The following OXR1 variants were observed in gnomAD, a reference collection of about 807,000 sequenced individuals.
OXR1 encodes the protein oxidation resistance 1.
In OXR1, 41 loss-of-function variants were observed where a neutral mutation model predicts 104.6. The observed-to-expected ratio is 0.39, with a 90% CI of 0.31 to 0.51. The LOEUF (loss-of-function observed/expected upper bound fraction) is 0.51, where lower values mean the gene tolerates loss of function less well. Among genes scored for constraint, OXR1 ranks in the 20% least tolerant of loss-of-function variants. OXR1 has a pLI of 0.77. For synonymous variants in OXR1, 348 were observed against 348.4 expected (o/e 1.00, Z 0.01); for missense variants, 955 against 1,031.9 (o/e 0.93, Z 1.02).
intron 3 of OXR1, among the ~76,000 whole-genome samples, chr8:106,527,872 T>G (rs2130201667): frequency 6.6e-6 from 1 of 152,318 alleles, no homozygotes; most frequent in East Asian, 1.9e-4. Context: ...TGGCCAGTGG[T>G]AAAGAGCTCA....
intron 3 of OXR1, among the ~76,000 whole-genome samples, chr8:106,594,232 AT>A (rs1819340630): frequency 6.6e-6 from 1 of 152,012 alleles, no homozygotes; most frequent in Non-Finnish European, 1.5e-5. Flanking sequence ...ATGTGTCTCT[AT>A]TTTGGGAGCT....
At chr8:106,553,240 C>T (rs1243419811) in intron 3 of OXR1, among the ~76,000 whole-genome samples, 1 of 140,476 alleles carries the variant, frequency 7.1e-6, no homozygotes, top group Non-Finnish European at 1.6e-5. Context: ...TAAATATATT[C>T]ATACTGTGGA....
chr8:106,309,665 T>A (rs1406479763), intron 1 of OXR1, among the ~76,000 whole-genome samples: 1 of 151,736 alleles, frequency 6.6e-6, no homozygotes, highest in Non-Finnish European at 1.5e-5. Flanking sequence ...AAATTTGTTT[T>A]CACATGTGGT....
intron 3 of OXR1, among the ~76,000 whole-genome samples, chr8:106,673,970 C>T (rs1827309321): frequency 1.3e-5 from 2 of 152,242 alleles, no homozygotes; most frequent in Non-Finnish European, 2.9e-5. Flanking sequence ...GGGTGGAGCC[C>T]TCTTGGAGAA....
At chr8:106,414,265 C>T (rs1818580089) in intron 2 of OXR1, among the ~76,000 whole-genome samples, 1 of 152,068 alleles carries the variant, frequency 6.6e-6, no homozygotes, top group South Asian at 2.1e-4. Flanking sequence ...ATAGTTCCAA[C>T]ATGACCAGTG....
intron 2 of OXR1, among the ~76,000 whole-genome samples, chr8:106,372,238 C>T (rs1816736792): frequency 6.6e-6 from 1 of 151,174 alleles, no homozygotes; most frequent in Non-Finnish European, 1.5e-5. Context: ...TCAATCAACA[C>T]CTCCCTTGGC....
chr8:106,750,953 T>C lies in OXR1; in HGVS notation c.*12T>C. 6.3e-7 allele frequency: 1 copy of C among 1,594,834 alleles called. No homozygotes were observed. Among genetic ancestry groups the C allele is most frequent in the East Asian group, 2.2e-5 (1 of 44,602 alleles). The stretch of plus-strand genomic sequence containing the variant: ...GGGCTTTTGAATAAATAAAATGCTC[T>C]CTGTCTTAGCAGGAGAATGGCCCAA... On this transcript the variant is annotated 3_prime_UTR_variant, in exon 17 of 17. Coordinates refer to ENST00000517566, the MANE Select transcript of OXR1 (RefSeq NM_001198533.2).
intron 3 of OXR1, among the ~76,000 whole-genome samples, chr8:106,526,032 T>C (rs1474385769): frequency 1.3e-5 from 2 of 152,220 alleles, no homozygotes; most frequent in Admixed American, 6.5e-5. Flanking sequence ...CTCAGGTGCT[T>C]ATATTCTAGT....
intron 11 of OXR1, chr8:106,726,273 G>C: frequency 6.5e-7 from 1 of 1,529,834 alleles, no homozygotes; most frequent in South Asian, 1.2e-5. Flanking sequence ...GGAAAAAAGG[G>C]AGAAGACATC....
chr8:106,527,542 G>C (rs1157768382), intron 3 of OXR1, among the ~76,000 whole-genome samples: 1 of 152,032 alleles, frequency 6.6e-6, no homozygotes, highest in Admixed American at 6.5e-5. Context: ...ATGTATCTTG[G>C]GCTTTTCCTC....
At chr8:106,361,569 T>C (rs1000560946) in intron 2 of OXR1, among the ~76,000 whole-genome samples, 2 of 152,250 alleles carry the variant, frequency 1.3e-5, no homozygotes, top group African/African-American at 4.8e-5. Context: ...CACTGATTTA[T>C]GTCACTGATA....
At chr8:106,608,755 A>C (rs1196004033) in intron 3 of OXR1, among the ~76,000 whole-genome samples, 1 of 152,204 alleles carries the variant, frequency 6.6e-6, no homozygotes, top group African/African-American at 2.4e-5. Flanking sequence ...AGGAAACAGA[A>C]ACCAGTTTAG....
At chr8:106,288,606 C>A (rs1000184020) in intron 1 of OXR1, among the ~76,000 whole-genome samples, 17 of 146,518 alleles carry the variant, frequency 1.2e-4, no homozygotes, top group East Asian at 2.0e-4. Flanking sequence ...TATATACTCT[C>A]TATATATTTA....
chr8:106,672,321 T>TGAAA (rs1218981497), intron 3 of OXR1, among the ~76,000 whole-genome samples: 1 of 115,534 alleles, frequency 8.7e-6, no homozygotes, highest in Non-Finnish European at 1.7e-5. Flanking sequence ...CTACTAAAAA[T>TGAAA]GAAAAAAAAA....
chr8:106,434,981 C>T (rs1185994797), intron 2 of OXR1, among the ~76,000 whole-genome samples: 2 of 152,108 alleles, frequency 1.3e-5, no homozygotes, highest in Non-Finnish European at 2.9e-5. Flanking sequence ...TAACACAGGG[C>T]GGCATGACTG....
intron 3 of OXR1, among the ~76,000 whole-genome samples, chr8:106,571,288 G>A (rs1272307776): frequency 6.6e-6 from 1 of 151,926 alleles, no homozygotes; most frequent in East Asian, 1.9e-4. Context: ...AGTGTGGTTG[G>A]GTTCTTGTGA....
chr8:106,441,300 A>G (rs1388024580), intron 2 of OXR1, among the ~76,000 whole-genome samples: 2 of 152,214 alleles, frequency 1.3e-5, no homozygotes, highest in Admixed American at 1.3e-4. Context: ...TACCAGTACC[A>G]TGCTATTTTG....
chr8:106,718,134 A>G (rs1458796293), intron 11 of OXR1, among the ~76,000 whole-genome samples: 1 of 152,190 alleles, frequency 6.6e-6, no homozygotes, highest in African/African-American at 2.4e-5. Flanking sequence ...CTTGTTTCAG[A>G]ATTATTTTTT....
chr8:106,338,818 A>G (rs1440184633), intron 1 of OXR1, among the ~76,000 whole-genome samples: 1 of 151,954 alleles, frequency 6.6e-6, no homozygotes, highest in African/African-American at 2.4e-5. Flanking sequence ...ATATTTTGTG[A>G]TTCTTGGTAT....
Sources: allele counts gnomAD v4.1 joint callset (sites outside exome capture counted in the v4.1 genomes callset), GRCh38; gene constraint gnomAD v4.1.1; transcripts MANE v1.5; gene names NCBI Gene and HGNC (gene_info 2026-07-23, HGNC 2026-07-21).